Variants in VAC14 observed in about 807,000 individuals in gnomAD.
The protein encoded by VAC14 is protein VAC14 homolog.
Under a neutral mutation model 85.3 loss-of-function variants are expected in VAC14, and 47 were observed. The observed-to-expected ratio is 0.55, with a 90% CI of 0.44 to 0.70. The LOEUF (loss-of-function observed/expected upper bound fraction) is 0.70, where lower values mean the gene tolerates loss of function less well. VAC14 is among the 30% of genes least tolerant of loss of function. The pLI is 0.00. For synonymous variants in VAC14, 447 were observed against 430.5 expected, an observed-to-expected ratio of 1.04 and a Z score of -0.47; for missense variants, 861 against 1,004.3, an observed-to-expected ratio of 0.86 and a Z score of 1.93.
intron 12 of VAC14, chr16:70,761,013 G>T (rs1445113969): frequency 2.9e-6 from 1 of 339,372 alleles, no homozygotes; most frequent in Non-Finnish European, 5.7e-6. Flanking sequence ...GTGTGTGTGT[G>T]TGTGTGCATG....
intron 18 of VAC14, chr16:70,691,646 G>T: frequency 1.0e-6 from 1 of 985,494 alleles, no homozygotes. Context: ...TCCTGCCACT[G>T]CAGGGCACTG....
chr16:70,708,574 G>A (rs1039608792), intron 14 of VAC14, among the ~76,000 whole-genome samples: 14 of 152,246 alleles, frequency 9.2e-5, no homozygotes, highest in African/African-American at 3.4e-4. Flanking sequence ...TGAGGTCTGC[G>A]TTTGTGTCTT....
chr16:70,731,235 AG>A (rs1297176823), intron 14 of VAC14: 2 of 1,174,912 alleles, frequency 1.7e-6, no homozygotes, highest in Non-Finnish European at 2.1e-6. Context: ...GTTCCACCTC[AG>A]GGGAAGATAG....
At chr16:70,689,759 G>A in intron 18 of VAC14, 1 of 985,518 alleles carries the variant, frequency 1.0e-6, no homozygotes, top group Non-Finnish European at 1.2e-6. Flanking sequence ...CCATTCTAGA[G>A]GGCCAGGCTG....
intron 1 of VAC14, 113 bp downstream of exon 1, chr16:70,800,684 T>C: frequency 1.2e-6 from 1 of 844,414 alleles, no homozygotes; most frequent in Non-Finnish European, 1.9e-6. Flanking sequence ...TGCGCTAAGG[T>C]AAGGGCCTAA....
intron 14 of VAC14, 105 bp from the exon 15 acceptor site, chr16:70,698,916 C>G (rs2053767263): frequency 9.1e-7 from 1 of 1,096,464 alleles, no homozygotes. Flanking sequence ...GGGGAAACTG[C>G]TCTTTCCTGA....
At chr16:70,782,514 C>A (rs764640496) in intron 7 of VAC14, among the ~76,000 whole-genome samples, 1 of 152,242 alleles carries the variant, frequency 6.6e-6, no homozygotes, top group Non-Finnish European at 1.5e-5. Flanking sequence ...CAGACAACTG[C>A]CAGACATAAG....
intron 18 of VAC14, chr16:70,690,164 G>A (rs990163668): frequency 1.8e-5 from 18 of 985,470 alleles, no homozygotes; most frequent in Non-Finnish European, 1.9e-5. Flanking sequence ...GGCCACATCT[G>A]CTCCCTGGGC....
Position 70,692,760 on chromosome 16 carries a change from G to A in VAC14, c.2186+61C>T, listed in dbSNP as rs897953542. 7.9e-5 allele frequency: 123 copies of A among 1,554,220 alleles called. 1 individual carries two copies. The Admixed American group carries it at 1.5e-3, about 19-fold the overall frequency. ...CCCCTGGCAAGGCCCTTCCTCACCA[G>A]GCTCCTCTGGGCCTGTCCCTGCTCA... On this transcript the variant is annotated intron_variant, in intron 18 of 18. Coordinates refer to ENST00000261776, the MANE Select transcript of VAC14 (RefSeq NM_018052.5).
At chr16:70,743,248 G>C (rs1191283539) in intron 13 of VAC14, among the ~76,000 whole-genome samples, 1 of 152,178 alleles carries the variant, frequency 6.6e-6, no homozygotes, top group African/African-American at 2.4e-5. Context: ...TCTGCGTCTA[G>C]CTAAAGGATT....
intron 14 of VAC14, among the ~76,000 whole-genome samples, chr16:70,718,121 G>T (rs1309224514): frequency 3.9e-5 from 6 of 152,228 alleles, no homozygotes; most frequent in Non-Finnish European, 7.3e-5. Flanking sequence ...GAGCTCCTCG[G>T]CTCCTCACAG....
chr16:70,772,106 T>C lies in VAC14; in HGVS notation c.1160+3A>G, dbSNP rs2033264746. On this transcript the variant is annotated splice_donor_region_variant and intron_variant, in intron 10 of 18. Coordinates refer to ENST00000261776, the MANE Select transcript of VAC14 (RefSeq NM_018052.5). ...AACCTTCTGGCTGAAACAAGCCACT[T>C]ACCTGGCTGCAGTGAAGACACTGAT... 1.2e-6 allele frequency: 2 copies of C among 1,613,982 alleles called. No individual in the cohort carries two copies. Among genetic ancestry groups the C allele is most frequent in the Non-Finnish European group, 1.7e-6 (2 of 1,179,960 alleles).
At chr16:70,739,420 A>C (rs2030035040) in intron 13 of VAC14, among the ~76,000 whole-genome samples, 1 of 152,222 alleles carries the variant, frequency 6.6e-6, no homozygotes, top group South Asian at 2.1e-4. Flanking sequence ...GAGGCCAGGA[A>C]GGGGTCTCTG....
chr16:70,701,435 C>A (rs1358815751), intron 14 of VAC14, among the ~76,000 whole-genome samples: 1 of 152,182 alleles, frequency 6.6e-6, no homozygotes, highest in African/African-American at 2.4e-5. Context: ...CAGGCCCAAA[C>A]CACGAGTCAT....
intron 1 of VAC14, among the ~76,000 whole-genome samples, chr16:70,789,018 C>G (rs1370777425): frequency 6.6e-6 from 1 of 152,248 alleles, no homozygotes; most frequent in African/African-American, 2.4e-5. Flanking sequence ...TGTCCTCAGC[C>G]TTGGCCAGTC....
intron 14 of VAC14, among the ~76,000 whole-genome samples, chr16:70,701,683 T>C (rs1261340293): frequency 6.6e-6 from 1 of 152,080 alleles, no homozygotes; most frequent in Non-Finnish European, 1.5e-5. Flanking sequence ...CATCAGAACA[T>C]GCCCCTCCCT....
At chr16:70,728,658 G>A (rs2054499970) in intron 14 of VAC14, among the ~76,000 whole-genome samples, 1 of 152,224 alleles carries the variant, frequency 6.6e-6, no homozygotes, top group Non-Finnish European at 1.5e-5. Flanking sequence ...GCCTGGAGAT[G>A]CTGGTTACTA....
chr16:70,698,932 G>GT, intron 14 of VAC14, 121 bp from the exon 15 acceptor site: 2 of 807,576 alleles, frequency 2.5e-6, no homozygotes, highest in Non-Finnish European at 3.7e-6. Context: ...CCTGAGGCCA[G>GT]TGTGGAGCCA....
At chr16:70,787,023 T>C (rs1034787870) in intron 1 of VAC14, among the ~76,000 whole-genome samples, 1 of 152,104 alleles carries the variant, frequency 6.6e-6, no homozygotes, top group African/African-American at 2.4e-5. Context: ...CAAGCTGACA[T>C]GGCATATCTG....
Sources: gnomAD v4.1 joint callset for allele counts (sites outside exome capture counted in the v4.1 genomes callset) on GRCh38, gnomAD v4.1.1 for gene constraint, MANE v1.5 for transcripts, NCBI Gene and HGNC (gene_info 2026-07-23, HGNC 2026-07-21) for gene names.